The following BICC1 variants were observed in gnomAD, a reference collection of about 807,000 sequenced individuals.
BICC1 encodes the protein protein bicaudal C homolog 1.
A neutral mutation model predicts 111.0 loss-of-function variants in BICC1; 43 were observed. That is an observed-to-expected ratio of 0.39 (90% confidence interval 0.30 to 0.50). The LOEUF (loss-of-function observed/expected upper bound fraction) is 0.50. BICC1 is among the 20% of genes least tolerant of loss of function. The pLI, the probability that BICC1 is intolerant of heterozygous loss-of-function variation, is 0.88. For synonymous variants in BICC1, 467 were observed against 434.4 expected, an observed-to-expected ratio of 1.07 and a Z score of -0.93; for missense variants, 1,091 against 1,203.2, an observed-to-expected ratio of 0.91 and a Z score of 1.38.
intron 10 of BICC1, among the ~76,000 whole-genome samples, chr10:58,798,100 G>T (rs1484302911): frequency 6.6e-6 from 1 of 152,066 alleles, no homozygotes; most frequent in Non-Finnish European, 1.5e-5. Flanking sequence ...GTTCATCCTG[G>T]GTAGCTGACA....
At chr10:58,787,181 A>T in intron 5 of BICC1, 100 bp downstream of exon 5, 1 of 1,089,166 alleles carries the variant, frequency 9.2e-7, no homozygotes, top group South Asian at 1.8e-5. Flanking sequence ...AGACAAAAAA[A>T]AAATCACATA....
intron 3 of BICC1, among the ~76,000 whole-genome samples, chr10:58,713,082 T>C (rs899457109): frequency 2.0e-5 from 3 of 152,198 alleles, no homozygotes; most frequent in African/African-American, 7.2e-5. Flanking sequence ...ATGAAATCTC[T>C]TAAGAAACAA....
At chr10:58,678,978 T>C (rs1037135440) in intron 2 of BICC1, among the ~76,000 whole-genome samples, 1 of 152,184 alleles carries the variant, frequency 6.6e-6, no homozygotes, top group African/African-American at 2.4e-5. Context: ...ATAAGTTCTT[T>C]GAAACCAATG....
chr10:58,806,515 C>G, intron 15 of BICC1, 69 bp from the exon 16 acceptor site: 1 of 1,397,070 alleles, frequency 7.2e-7, no homozygotes, highest in African/African-American at 1.4e-5. Flanking sequence ...CCTTTGTTCT[C>G]TAACCATGGA....
intron 1 of BICC1, among the ~76,000 whole-genome samples, chr10:58,521,901 G>T (rs553004551): frequency 1.3e-5 from 2 of 149,474 alleles, no homozygotes; most frequent in African/African-American, 4.9e-5. Flanking sequence ...AATCTTTTGT[G>T]AGTCTAATGG....
chr10:58,610,493 A>T (rs1845381594), intron 1 of BICC1, among the ~76,000 whole-genome samples: 1 of 152,136 alleles, frequency 6.6e-6, no homozygotes, highest in African/African-American at 2.4e-5. Flanking sequence ...TCTAATTCTT[A>T]TTCTGTTAAA....
At chr10:58,655,903 A>G (rs1248008128) in intron 2 of BICC1, among the ~76,000 whole-genome samples, 1 of 152,072 alleles carries the variant, frequency 6.6e-6, no homozygotes, top group Non-Finnish European at 1.5e-5. Flanking sequence ...AGGGTTGTTG[A>G]AAGGAGCTGG....
chr10:58,530,174 C>T (rs1020764835), intron 1 of BICC1, among the ~76,000 whole-genome samples: 1 of 151,702 alleles, frequency 6.6e-6, no homozygotes, highest in African/African-American at 2.4e-5. Flanking sequence ...GAGTAAGGCC[C>T]TGATTAATGT....
chr10:58,622,122 C>A (rs1845837988), intron 2 of BICC1, among the ~76,000 whole-genome samples: 1 of 151,620 alleles, frequency 6.6e-6, no homozygotes, highest in Non-Finnish European at 1.5e-5. Flanking sequence ...GTTGAGACTG[C>A]AGTGAGCCAT....
chr10:58,670,123 C>A (rs1839137404), intron 2 of BICC1, among the ~76,000 whole-genome samples: 1 of 152,036 alleles, frequency 6.6e-6, no homozygotes, highest in African/African-American at 2.4e-5. Context: ...TACCTAAATT[C>A]TAAAATTATT....
chr10:58,638,987 T>C (rs190939002), intron 2 of BICC1, among the ~76,000 whole-genome samples: 29 of 151,296 alleles, frequency 1.9e-4, no homozygotes, highest in Admixed American at 1.8e-3. Context: ...TATATATTTA[T>C]GGTGTACATA....
chr10:58,528,961 G>A (rs951409368), intron 1 of BICC1, among the ~76,000 whole-genome samples: 2 of 151,892 alleles, frequency 1.3e-5, no homozygotes, highest in African/African-American at 4.8e-5. Flanking sequence ...AAAGTGTCTC[G>A]GCTTTGGAGA....
At chr10:58,813,804 C>T (rs1843991007) in intron 17 of BICC1, 26 bp from the exon 18 acceptor site, 2 of 1,607,222 alleles carry the variant, frequency 1.2e-6, no homozygotes, top group East Asian at 2.2e-5. Flanking sequence ...TTAAATATTT[C>T]CTTATCTGGC....
chr10:58,529,979 A>G (rs1383701362), intron 1 of BICC1, among the ~76,000 whole-genome samples: 1 of 151,710 alleles, frequency 6.6e-6, no homozygotes, highest in Non-Finnish European at 1.5e-5. Context: ...TTCATTTTAA[A>G]TCATTTGGGA....
At chr10:58,583,194 T>G (rs377139703) in intron 1 of BICC1, among the ~76,000 whole-genome samples, 2 of 152,330 alleles carry the variant, frequency 1.3e-5, no homozygotes, top group African/African-American at 4.8e-5. Context: ...TATCATGAAC[T>G]TTTATGGATT....
At chr10:58,522,449 A>G (rs554508509) in intron 1 of BICC1, among the ~76,000 whole-genome samples, 1 of 152,282 alleles carries the variant, frequency 6.6e-6, no homozygotes, top group South Asian at 2.1e-4. Flanking sequence ...CTGCTCCTGA[A>G]TGACTACTGG....
chr10:58,539,937 C>T (rs997565789), intron 1 of BICC1, among the ~76,000 whole-genome samples: 3 of 151,734 alleles, frequency 2.0e-5, no homozygotes, highest in African/African-American at 7.3e-5. Flanking sequence ...CTTTTTAGAC[C>T]ATATTGTAAT....
At chr10:58,575,578 G>T (rs79128480) in intron 1 of BICC1, among the ~76,000 whole-genome samples, 22 of 232 alleles carry the variant, frequency 0.095, no homozygotes, top group South Asian at 0.5. Flanking sequence ...GTTTTTTTTT[G>T]GTTGTTGTTG....
chr10:58,607,343 A>AATAAATAAATAAATAAATAAATAAATAG (rs1374739915), intron 1 of BICC1, among the ~76,000 whole-genome samples: 1 of 151,836 alleles, frequency 6.6e-6, no homozygotes. Context: ...TAAATAAATA[A>AATAAATAAATAAATAAATAAATAAATAG]AACTGTCATG....
Sources: gnomAD v4.1 joint callset for allele counts (sites outside exome capture counted in the v4.1 genomes callset) on GRCh38, gnomAD v4.1.1 for gene constraint, MANE v1.5 for transcripts, NCBI Gene and HGNC (gene_info 2026-07-23, HGNC 2026-07-21) for gene names.